Variants in SAMMSON observed in about 807,000 individuals in gnomAD.
SAMMSON encodes the protein survival associated mitochondrial melanoma specific oncogenic non-coding RNA, also known as long intergenic non-protein coding RNA 1212.
intron 7 of SAMMSON, among the ~76,000 whole-genome samples, chr3:70,310,276 C>G (rs112001442): frequency 9.2e-5 from 14 of 152,052 alleles, no homozygotes; most frequent in African/African-American, 2.9e-4. Flanking sequence ...TAATGTCCTA[C>G]TATTAAAATT....
intron 7 of SAMMSON, among the ~76,000 whole-genome samples, chr3:70,304,976 C>G (rs1009592601): frequency 6.6e-6 from 1 of 152,062 alleles, no homozygotes; most frequent in African/African-American, 2.4e-5. Flanking sequence ...AGGCTGTTCT[C>G]TCCAATGGAA....
rs2067455592 is a variant in SAMMSON at position 70,125,784 on chromosome 3, A to G, written n.507+54219A>G. The G allele has an allele frequency of 6.1e-6, 4 of 654,046 alleles. No individual in the cohort carries two copies. In the Admixed American group the frequency reaches 7.7e-5, roughly 13 times the overall value. The allele number at this position is 654,046 out of a possible 1,614,324, so 40.5% of individuals were successfully genotyped here. ...CCTTTATTTTTCTCTTTTTTCTCAC[A>G]TGGCGCTGCCTTATTGTTTTGGGTC... On this transcript the variant is annotated intron_variant and non_coding_transcript_variant, in intron 4 of 9. Transcript: ENST00000642114.
At chr3:70,014,750 G>A (rs1396178210) in intron 3 of SAMMSON, 4 of 152,126 alleles carry the variant, frequency 2.6e-5, no homozygotes, top group Non-Finnish European at 5.9e-5. Flanking sequence ...TGGAGTTTAA[G>A]AAAAATGTTT....
intron 9 of SAMMSON, among the ~76,000 whole-genome samples, chr3:70,382,885 G>C (rs936421355): frequency 2.0e-5 from 3 of 152,074 alleles, no homozygotes; most frequent in Admixed American, 1.3e-4. Flanking sequence ...TTCCTTTGCA[G>C]ACTTTGAGAA....
intron 6 of SAMMSON, chr3:70,271,762 T>A (rs1043084752): frequency 6.6e-5 from 10 of 152,126 alleles, no homozygotes; most frequent in East Asian, 1.9e-4. Context: ...CACACTTATT[T>A]TTTATTTATT....
Position 70,387,022 on chromosome 3 carries a change from G to T in SAMMSON, n.914-2552G>T, listed in dbSNP as rs1477335860. 1.5e-4 allele frequency among the ~76,000 whole-genome samples: 23 copies of T among 151,892 alleles called. 1 individual carries two copies. The highest frequency in any genetic ancestry group is 1.5e-3 in the Admixed American group (23 of 15,202). The stretch of plus-strand genomic sequence containing the variant: ...TCATTAAAAGATCTAGGGAATTGAG[G>T]TATTAATTCTAAATTATTACATATT... On this transcript the variant is annotated intron_variant and non_coding_transcript_variant, in intron 9 of 9. Transcript: ENST00000642114.
At chr3:70,216,112 T>C (rs950738980) in intron 4 of SAMMSON, among the ~76,000 whole-genome samples, 1 of 151,806 alleles carries the variant, frequency 6.6e-6, no homozygotes, top group African/African-American at 2.4e-5. Context: ...AAATATCTGG[T>C]ATATGTGGAA....
intron 4 of SAMMSON, among the ~76,000 whole-genome samples, chr3:70,214,828 C>A (rs925209312): frequency 1.3e-5 from 2 of 151,906 alleles, no homozygotes; most frequent in Non-Finnish European, 2.9e-5. Context: ...TATGCAGTTA[C>A]CTTCAGTTTA....
At chr3:70,388,034 T>A (rs1700996444) in intron 9 of SAMMSON, among the ~76,000 whole-genome samples, 1 of 152,126 alleles carries the variant, frequency 6.6e-6, no homozygotes, top group Non-Finnish European at 1.5e-5. Context: ...GCTGAAACAA[T>A]GATGTGATGA....
chr3:70,001,488 A>G (rs922225252), intron 1 of SAMMSON, among the ~76,000 whole-genome samples: 2 of 150,502 alleles, frequency 1.3e-5, no homozygotes, highest in African/African-American at 4.9e-5. Context: ...TTCTACATGT[A>G]TACATGTAAT....
At chr3:70,166,657 C>T (rs180822412) in intron 4 of SAMMSON, among the ~76,000 whole-genome samples, 1,569 of 152,032 alleles carry the variant, frequency 0.01, 95 homozygotes, top group Admixed American at 0.086. Context: ...AATTTAAATT[C>T]CTGTTTATAA....
chr3:70,423,847 T>A (rs1372536944), intron 2 of SAMMSON, among the ~76,000 whole-genome samples: 8 of 152,156 alleles, frequency 5.3e-5, no homozygotes, highest in African/African-American at 1.7e-4. Context: ...CATAAAATAA[T>A]GTCAACAATT....
intron 4 of SAMMSON, among the ~76,000 whole-genome samples, chr3:70,222,499 A>G (rs1701469850): frequency 6.6e-6 from 1 of 152,216 alleles, no homozygotes; most frequent in African/African-American, 2.4e-5. Flanking sequence ...TTTTCGGTAA[A>G]GCAATTCTTC....
intron 2 of SAMMSON, among the ~76,000 whole-genome samples, chr3:70,395,599 A>G (rs1234431169): frequency 1.3e-5 from 2 of 151,988 alleles, no homozygotes; most frequent in African/African-American, 2.4e-5. Context: ...TCAGAAATCT[A>G]CTTGAGGGCT....
intron 9 of SAMMSON, among the ~76,000 whole-genome samples, chr3:70,388,540 A>T (rs530471256): frequency 3.5e-4 from 54 of 152,154 alleles, no homozygotes; most frequent in Non-Finnish European, 6.8e-4. Flanking sequence ...TTTCTACAAT[A>T]TAGTCTGCAA....
chr3:70,327,249 G>C (rs189616553), intron 7 of SAMMSON, among the ~76,000 whole-genome samples: 1 of 152,140 alleles, frequency 6.6e-6, no homozygotes, highest in Non-Finnish European at 1.5e-5. Flanking sequence ...AAGAAGAACC[G>C]ATTTGCTTTT....
At chr3:70,163,860 TA>T (rs1393800917) in intron 4 of SAMMSON, among the ~76,000 whole-genome samples, 18 of 152,048 alleles carry the variant, frequency 1.2e-4, no homozygotes, top group Non-Finnish European at 1.3e-4. Context: ...TTGCACTAGC[TA>T]CCAAACACTA....
chr3:70,114,477 A>C (rs2067402194), intron 4 of SAMMSON, among the ~76,000 whole-genome samples: 2 of 152,380 alleles, frequency 1.3e-5, no homozygotes, highest in Middle Eastern at 3.4e-3. Flanking sequence ...GCAATAAAAC[A>C]CACCACTCAA....
intron 7 of SAMMSON, among the ~76,000 whole-genome samples, chr3:70,302,365 A>G (rs1702357569): frequency 1.3e-5 from 2 of 152,268 alleles, no homozygotes; most frequent in South Asian, 4.1e-4. Flanking sequence ...ATGGGCCATA[A>G]TCTTATAAAA....
Sources: allele counts gnomAD v4.1 joint callset (sites outside exome capture counted in the v4.1 genomes callset), GRCh38; gene constraint gnomAD v4.1.1; transcripts MANE v1.5; gene names NCBI Gene and HGNC (gene_info 2026-07-23, HGNC 2026-07-21).